ADAM18: variants seen among roughly 807,000 people sequenced by gnomAD.
ADAM18 encodes the protein ADAM metallopeptidase domain 18, also known as disintegrin and metalloproteinase domain-containing protein 18.
In ADAM18, 117 loss-of-function variants were observed where a neutral mutation model predicts 94.4. That is an observed-to-expected ratio of 1.24 (90% CI 1.07 to 1.45). ADAM18 has a LOEUF of 1.45. Among genes scored for constraint, ADAM18 ranks in the 40% most tolerant of loss-of-function variants. The pLI, the probability that ADAM18 is intolerant of heterozygous loss-of-function variation, is 0.00. For synonymous variants in ADAM18, 327 were observed against 291.6 expected, an observed-to-expected ratio of 1.12 and a Z score of -1.24; for missense variants, 936 against 880.0, an observed-to-expected ratio of 1.06 and a Z score of -0.81.
chr8:39,715,889 C>T (rs1028857296), intron 18 of ADAM18, among the ~76,000 whole-genome samples: 3 of 152,026 alleles, frequency 2.0e-5, no homozygotes, highest in Non-Finnish European at 4.4e-5. Context: ...CGCTAATTCT[C>T]TGCAATACCT....
intron 18 of ADAM18, among the ~76,000 whole-genome samples, chr8:39,715,882 T>A (rs1438426313): frequency 1.3e-5 from 2 of 152,050 alleles, no homozygotes; most frequent in Non-Finnish European, 2.9e-5. Flanking sequence ...GAAATTACGC[T>A]AATTCTCTGC....
intron 12 of ADAM18, among the ~76,000 whole-genome samples, chr8:39,659,243 T>G (rs1221433877): frequency 6.6e-6 from 1 of 152,124 alleles, no homozygotes; most frequent in East Asian, 1.9e-4. Flanking sequence ...TGTTATACAT[T>G]ATCTGATAAT....
At position 39,629,386 on chromosome 8, in the gene ADAM18, T is replaced by G; in HGVS notation, c.535T>G (p.Ser179Ala). Residue 179 changes from serine (S) to alanine (A), a missense_variant, in exon 7 of 20, where the codon TCA (serine) becomes GCA (alanine). Coordinates refer to ENST00000265707, the MANE Select transcript of ADAM18 (RefSeq NM_014237.3). ...VPLNSQIKNL[S>A]KLLPQYLEIY... The stretch of plus-strand genomic sequence containing the variant: ...TGTTGTTTTCCAGATAAAAAATCTT[T>G]CAAAACTATTACCCCAATATCTGGA... 1 of 1,578,326 alleles carries G rather than the reference T, an allele frequency of 6.3e-7. No homozygotes were observed. The highest frequency in any genetic ancestry group is 1.8e-5 in the Admixed American group (1 of 56,640).
At chr8:39,677,868 C>T (rs1821341729) in intron 15 of ADAM18, among the ~76,000 whole-genome samples, 1 of 152,096 alleles carries the variant, frequency 6.6e-6, no homozygotes. Flanking sequence ...AAGCAAACCT[C>T]AAGCTTTGAT....
chr8:39,692,844 T>TGC, intron 17 of ADAM18, among the ~76,000 whole-genome samples, 164 bp downstream of exon 17: 2 of 151,684 alleles, frequency 1.3e-5, no homozygotes, highest in Non-Finnish European at 3.0e-5. Context: ...ATTAAGTGAA[T>TGC]TGTACCAGAT....
intron 16 of ADAM18, among the ~76,000 whole-genome samples, chr8:39,682,488 TAGAG>T (rs1388570957): frequency 2.0e-5 from 3 of 152,130 alleles, no homozygotes; most frequent in African/African-American, 7.2e-5. Context: ...AAGGAATACT[TAGAG>T]AGTCAAATAA....
intron 17 of ADAM18, among the ~76,000 whole-genome samples, chr8:39,702,175 G>C (rs1172637389): frequency 6.6e-6 from 1 of 152,108 alleles, no homozygotes; most frequent in South Asian, 2.1e-4. Context: ...CTTAATAACA[G>C]CCATTCTGAC....
In ADAM18 at chr8:39,586,643, C is replaced by CT. The variant is rs1213618964; in HGVS notation, c.132+1293dup. ...TCTGGAGGCTGAGGTGGGAGTACCC[C>CT]TTGAGCCCAGCGGTTGGAGGCTGCA... On this transcript the variant is annotated intron_variant, in intron 2 of 19. Coordinates refer to ENST00000265707, the MANE Select transcript of ADAM18 (RefSeq NM_014237.3). Among the ~76,000 whole-genome samples the CT allele has an allele frequency of 2.0e-5, 3 of 152,142 alleles. No homozygotes were observed. In the East Asian group the frequency reaches 5.8e-4, roughly 29 times the overall value.
intron 5 of ADAM18, among the ~76,000 whole-genome samples, chr8:39,609,911 C>T (rs1819213790): frequency 6.6e-6 from 1 of 152,010 alleles, no homozygotes; most frequent in African/African-American, 2.4e-5. Context: ...AGTATGGTCT[C>T]AGCTTAGTAC....
At position 39,663,958 on chromosome 8, in the gene ADAM18, A is replaced by C. The variant is rs928154775; in HGVS notation, c.1326+68A>C. 7 of 977,258 alleles carry C rather than the reference A, an allele frequency of 7.2e-6. No homozygotes were observed. In the Admixed American group the frequency reaches 1.4e-4, roughly 20 times the overall value. 60.5% of individuals were successfully genotyped at this position (977,258 alleles called of 1,614,324 possible). A position where few individuals can be genotyped will look rare whatever the true frequency, so the allele number is the denominator to read the frequency against. ...AGAGACGTCTGTATTAACTGAATCA[A>C]TGTGCAATTAATAAAAAGAATATAT... On this transcript the variant is annotated intron_variant, in intron 13 of 19. Transcript: ENST00000265707.
rs4490798 is a variant in ADAM18 at position 39,586,260 on chromosome 8, C to T, written c.132+908C>T. On this transcript the variant is annotated intron_variant, in intron 2 of 19. Transcript: ENST00000265707. ...TTTTAGAGAAGTTGGAAAGGATTTT[C>T]ATATATAAATCTTATTTATCACATT... Among the ~76,000 whole-genome samples, 1,222 of 152,178 alleles carry T rather than the reference C, an allele frequency of 8.0e-3. 18 individuals carry two copies. Among genetic ancestry groups the T allele is most frequent in the African/African-American group, 0.028 (1,151 of 41,514 alleles).
At chr8:39,708,733 A>G (rs1261747886) in intron 18 of ADAM18, among the ~76,000 whole-genome samples, 1 of 152,216 alleles carries the variant, frequency 6.6e-6, no homozygotes, top group Non-Finnish European at 1.5e-5. Context: ...CACTGGAACC[A>G]GCTGGCTGCT....
intron 6 of ADAM18, chr8:39,611,199 T>C: frequency 1.5e-6 from 1 of 683,402 alleles, no homozygotes; most frequent in Non-Finnish European, 1.8e-6. Flanking sequence ...CTCTGTTTTT[T>C]CTGATAAAAA....
At chr8:39,702,768 A>C (rs1822122743) in intron 17 of ADAM18, among the ~76,000 whole-genome samples, 1 of 152,076 alleles carries the variant, frequency 6.6e-6, no homozygotes, top group African/African-American at 2.4e-5. Flanking sequence ...TGTTTCTGTC[A>C]AGTCTGTTGA....
chr8:39,666,895 G>C (rs1005022551), intron 13 of ADAM18, among the ~76,000 whole-genome samples: 2 of 152,006 alleles, frequency 1.3e-5, no homozygotes, highest in African/African-American at 4.8e-5. Flanking sequence ...ATTGTATTTT[G>C]TGTGTGTGTT....
chr8:39,691,642 A>C (rs1821783961), intron 16 of ADAM18, among the ~76,000 whole-genome samples: 1 of 152,114 alleles, frequency 6.6e-6, no homozygotes. Context: ...CAGAATCATT[A>C]TTTAGTGATA....
At chr8:39,693,119 C>T (rs1365706501) in intron 17 of ADAM18, among the ~76,000 whole-genome samples, 2 of 151,390 alleles carry the variant, frequency 1.3e-5, no homozygotes, top group East Asian at 3.9e-4. Context: ...TTTATTTCTT[C>T]TGAATTGTCT....
chr8:39,611,546 T>A (rs1819271629), intron 6 of ADAM18: 1 of 985,258 alleles, frequency 1.0e-6, no homozygotes, highest in Non-Finnish European at 1.2e-6. Context: ...AAGTATTTAC[T>A]GGGATAAATA....
Position 39,726,359 on chromosome 8 carries a change from G to A in ADAM18, c.2177+2452G>A, listed in dbSNP as rs538096514. The stretch of plus-strand genomic sequence containing the variant: ...CGTAGGCTTGTCTAAACTCTTGAGC[G>A]CAAGTGGTCCTCCCGCCTCAGCCTC... On this transcript the variant is annotated intron_variant, in intron 19 of 19. Transcript: ENST00000265707. 2.9e-4 allele frequency among the ~76,000 whole-genome samples: 44 copies of A among 151,836 alleles called. No homozygotes were observed. In the East Asian group the frequency reaches 3.5e-3, roughly 12 times the overall value.
Sources: gnomAD v4.1 joint callset for allele counts (sites outside exome capture counted in the v4.1 genomes callset) on GRCh38, gnomAD v4.1.1 for gene constraint, MANE v1.5 for transcripts, NCBI Gene and HGNC (gene_info 2026-07-23, HGNC 2026-07-21) for gene names.